Variants in PCDHA3 observed in about 807,000 individuals in gnomAD.
PCDHA3 encodes the protein protocadherin alpha 3, also known as protocadherin alpha-3.
PCDHA3 carries 41 observed loss-of-function variants against 62.2 expected under a neutral mutation model. That is an observed-to-expected ratio of 0.66 (90% CI 0.51 to 0.86). The LOEUF is 0.86. Among genes scored for constraint, PCDHA3 ranks in the 40% least tolerant of loss-of-function variants. The pLI, the probability that PCDHA3 is intolerant of heterozygous loss-of-function variation, is 0.00. For missense variants in PCDHA3, 1,304 were observed against 1,241.2 expected (o/e 1.05, Z -0.76); for synonymous variants, 640 against 555.4 (o/e 1.15, Z -2.14).
At chr5:140,834,451 C>T (rs1554134220) in intron 1 of PCDHA3, 2 of 1,594,820 alleles carry the variant, frequency 1.3e-6, no homozygotes, top group Admixed American at 3.4e-5. Flanking sequence ...ATTCTAGCAG[C>T]TTGGGAGGCA....
intron 3 of PCDHA3, among the ~76,000 whole-genome samples, chr5:141,000,713 C>G (rs570396356): frequency 6.6e-6 from 1 of 151,652 alleles, no homozygotes; most frequent in Non-Finnish European, 1.5e-5. Context: ...CAGGCATGAG[C>G]CACTGTGCCT....
At chr5:140,870,618 C>A in intron 1 of PCDHA3, 1 of 1,613,174 alleles carries the variant, frequency 6.2e-7, no homozygotes, top group Non-Finnish European at 8.5e-7. Context: ...CGCTGTCGAG[C>A]TACGTGTCGG....
chr5:140,807,014 C>A, intron 1 of PCDHA3: 2 of 789,080 alleles, frequency 2.5e-6, no homozygotes, highest in Non-Finnish European at 4.0e-6. Flanking sequence ...CCACAAAATA[C>A]ATGAGAGAAG....
At chr5:140,861,470 G>A (rs1554154806) in intron 1 of PCDHA3, 1 of 492,724 alleles carries the variant, frequency 2.0e-6, no homozygotes, top group Non-Finnish European at 4.2e-6. Context: ...TAAATCTGCA[G>A]AATGGCATTT....
chr5:140,829,000 G>C, intron 1 of PCDHA3: 1 of 1,613,886 alleles, frequency 6.2e-7, no homozygotes. Context: ...GAGAAATAGT[G>C]ATTCGGGGTA....
chr5:140,908,405 C>T (rs2073952752), intron 1 of PCDHA3, among the ~76,000 whole-genome samples: 1 of 152,150 alleles, frequency 6.6e-6, no homozygotes, highest in Non-Finnish European at 1.5e-5. Flanking sequence ...ATACCACTTC[C>T]ATTTGATGAT....
chr5:140,859,289 ATACTT>A (rs1272125290), intron 1 of PCDHA3: 2 of 129,084 alleles, frequency 1.5e-5, no homozygotes, highest in African/African-American at 5.5e-5. Context: ...GAGACTGAAA[ATACTT>A]TAGTATGAAT....
At chr5:140,851,826 T>A (rs2042172303) in intron 1 of PCDHA3, 1 of 965,750 alleles carries the variant, frequency 1.0e-6, no homozygotes, top group Non-Finnish European at 1.3e-6. Context: ...GAAATCTGTT[T>A]TTTTAAAAAT....
At chr5:140,926,819 C>G in intron 1 of PCDHA3, 1 of 1,493,950 alleles carries the variant, frequency 6.7e-7, no homozygotes, top group Non-Finnish European at 8.9e-7. Context: ...CTCGTGCTCT[C>G]CAGGAGTCCG....
intron 1 of PCDHA3, chr5:140,843,148 T>C (rs2150353872): frequency 6.3e-7 from 1 of 1,596,056 alleles, no homozygotes; most frequent in South Asian, 1.1e-5. Flanking sequence ...GGCTTTCGTA[T>C]GAGCTGCAGC....
intron 1 of PCDHA3, chr5:140,927,627 T>G (rs145171269): frequency 6.2e-7 from 1 of 1,614,180 alleles, no homozygotes; most frequent in Non-Finnish European, 8.5e-7. Context: ...TTCCAGAGAC[T>G]GCACCCAATG....
intron 1 of PCDHA3, among the ~76,000 whole-genome samples, chr5:140,976,448 G>C (rs2096716831): frequency 6.6e-6 from 1 of 152,148 alleles, no homozygotes; most frequent in Non-Finnish European, 1.5e-5. Context: ...CTACTAGGGA[G>C]GCTGGGGAAG....
chr5:140,822,803 A>G (rs2150119439), intron 1 of PCDHA3: 1 of 1,614,190 alleles, frequency 6.2e-7, no homozygotes, highest in Admixed American at 1.7e-5. Flanking sequence ...CTGGATGTGA[A>G]TGATAATACC....
chr5:140,987,266 C>T (rs2097244603), intron 3 of PCDHA3, among the ~76,000 whole-genome samples: 1 of 151,752 alleles, frequency 6.6e-6, no homozygotes, highest in African/African-American at 2.4e-5. Context: ...AGGAATGGGA[C>T]CCGGCAGTCT....
intron 1 of PCDHA3, among the ~76,000 whole-genome samples, chr5:140,826,728 T>C (rs1438551035): frequency 6.6e-6 from 1 of 152,160 alleles, no homozygotes; most frequent in Non-Finnish European, 1.5e-5. Flanking sequence ...GAAGAGCAAG[T>C]GGTCTATATT....
intron 1 of PCDHA3, chr5:140,871,112 A>C (rs1554165130): frequency 1.2e-6 from 2 of 1,613,172 alleles, no homozygotes; most frequent in Non-Finnish European, 1.7e-6. Context: ...TCGTTGGTGG[A>C]GAGCGGACAG....
chr5:140,851,068 AATT>A, intron 1 of PCDHA3: 1 of 1,354,280 alleles, frequency 7.4e-7, no homozygotes, highest in Non-Finnish European at 9.7e-7. Context: ...TTCTAGTGAG[AATT>A]ATAAACTGTA....
chr5:140,851,865 A>G, intron 1 of PCDHA3: 3 of 976,808 alleles, frequency 3.1e-6, no homozygotes, highest in Non-Finnish European at 3.7e-6. Context: ...CTCATACATA[A>G]CACAAGGCAG....
intron 1 of PCDHA3, among the ~76,000 whole-genome samples, chr5:140,937,615 T>TCAAAAAAAAAAAAAAAAAAAAAAAA (rs1472779704): frequency 5.3e-5 from 8 of 149,546 alleles, no homozygotes; most frequent in African/African-American, 2.0e-4. Context: ...ATACTCCATC[T>TCAAAAAAAAAAAAAAAAAAAAAAAA]AAAAAGAAAA....
Sources: allele counts gnomAD v4.1 joint callset (sites outside exome capture counted in the v4.1 genomes callset), GRCh38; gene constraint gnomAD v4.1.1; transcripts MANE v1.5; gene names NCBI Gene and HGNC (gene_info 2026-07-23, HGNC 2026-07-21).